The following JARID2 variants were observed in gnomAD, a reference collection of about 807,000 sequenced individuals.
JARID2 encodes jumonji and AT-rich interaction domain containing 2, also known as protein Jumonji.
A neutral mutation model predicts 125.6 loss-of-function variants in JARID2; 21 were observed. The observed-to-expected ratio is 0.17, with a 90% CI of 0.12 to 0.24. JARID2 has a LOEUF of 0.24. Ranked by LOEUF, JARID2 falls within the 10% of genes least tolerant of loss-of-function variation. JARID2 has a pLI of 1.00. For missense variants in JARID2, 1,303 were observed against 1,639.6 expected, an observed-to-expected ratio of 0.79 and a Z score of 3.55; for synonymous variants, 736 against 661.6, an observed-to-expected ratio of 1.11 and a Z score of -1.73.
At position 15,497,046 on chromosome 6, in the gene JARID2, T is replaced by C. The variant is rs1207710354; in HGVS notation, c.1821T>C (p.Phe607=). Residue 607 remains phenylalanine (F), a synonymous_variant, in exon 7 of 18, where the codon TTT becomes TTC. Transcript: ENST00000341776. ...GCAAGCTCAACGATGAGATGCGGTT[T>C]GTCACGCAGATTCAGCACATCCACA... ...PECKLNDEMR[F]VTQIQHIHKL... 6.2e-7 allele frequency: 1 copy of C among 1,611,780 alleles called. No individual in the cohort carries two copies. Among genetic ancestry groups the C allele is most frequent in the African/African-American group, 1.3e-5 (1 of 75,000 alleles).
intron 2 of JARID2, among the ~76,000 whole-genome samples, chr6:15,388,443 T>C (rs1023556878): frequency 2.0e-5 from 3 of 152,024 alleles, no homozygotes; most frequent in Admixed American, 1.3e-4. Flanking sequence ...GCTTCCTCTA[T>C]AGGCTTTAAA....
intron 3 of JARID2, among the ~76,000 whole-genome samples, chr6:15,442,501 C>A (rs1271367010): frequency 1.3e-5 from 2 of 152,198 alleles, no homozygotes; most frequent in Middle Eastern, 3.2e-3. Flanking sequence ...GCCTTAAGAT[C>A]TATCTGCTTT....
chr6:15,408,976 C>A (rs866763699), intron 2 of JARID2, among the ~76,000 whole-genome samples: 1 of 152,124 alleles, frequency 6.6e-6, no homozygotes, highest in African/African-American at 2.4e-5. Flanking sequence ...AGTGAATAAC[C>A]GTGTGTTTTA....
intron 15 of JARID2, 61 bp from the exon 16 acceptor site, chr6:15,513,178 C>T (rs1212864404): frequency 3.8e-6 from 6 of 1,563,150 alleles, no homozygotes; most frequent in South Asian, 3.5e-5. Context: ...CGTGTGTCCC[C>T]TCTGCTGGTG....
intron 3 of JARID2, among the ~76,000 whole-genome samples, chr6:15,424,213 C>T (rs925382463): frequency 1.3e-5 from 2 of 151,574 alleles, no homozygotes; most frequent in East Asian, 3.9e-4. Flanking sequence ...AGTGATCCTC[C>T]TGCCTCGGCC....
chr6:15,313,022 T>C (rs1762066963), intron 1 of JARID2, among the ~76,000 whole-genome samples: 1 of 152,218 alleles, frequency 6.6e-6, no homozygotes, highest in Non-Finnish European at 1.5e-5. Context: ...AGTTTCAGAA[T>C]AGTGCCTTCC....
At chr6:15,316,184 C>G (rs1762174170) in intron 1 of JARID2, among the ~76,000 whole-genome samples, 2 of 151,924 alleles carry the variant, frequency 1.3e-5, no homozygotes, top group Non-Finnish European at 2.9e-5. Context: ...GGCACGATCT[C>G]TGCTCACTGC....
intron 3 of JARID2, among the ~76,000 whole-genome samples, chr6:15,444,696 A>T (rs939220647): frequency 6.8e-6 from 1 of 148,018 alleles, no homozygotes; most frequent in East Asian, 2.0e-4. Flanking sequence ...GAGCGCAGCC[A>T]TGCCGGTCAT....
intron 1 of JARID2, among the ~76,000 whole-genome samples, chr6:15,256,286 A>C (rs1394081750): frequency 2.0e-5 from 3 of 152,214 alleles, no homozygotes; most frequent in Non-Finnish European, 4.4e-5. Flanking sequence ...ATTGGGAAAC[A>C]GAACAAGGCT....
intron 3 of JARID2, among the ~76,000 whole-genome samples, chr6:15,415,181 C>T (rs976749123): frequency 3.3e-5 from 5 of 152,206 alleles, no homozygotes; most frequent in Non-Finnish European, 7.3e-5. Context: ...TTTCCCAGTA[C>T]GGAACAAAAT....
intron 7 of JARID2, among the ~76,000 whole-genome samples, chr6:15,498,835 C>G (rs75886212): frequency 2.0e-5 from 3 of 152,220 alleles, no homozygotes; most frequent in Non-Finnish European, 4.4e-5. Flanking sequence ...CCGCTGACCA[C>G]GCCCCATGAC....
At chr6:15,447,386 A>T (rs75701050) in intron 3 of JARID2, among the ~76,000 whole-genome samples, 140 of 151,956 alleles carry the variant, frequency 9.2e-4, no homozygotes, top group African/African-American at 3.2e-3. Context: ...TAATAAAAAA[A>T]ACACATGAAA....
rs529433585 is a variant in JARID2 at position 15,269,415 on chromosome 6, GTGGTGTGATCAC to G, written c.45+22832_45+22843del. ...GGTCTGTTGCCCAGGCTGGCGTGTG[GTGGTGTGATCAC>G]AGCTTATTACTGCATCCTTGAACTC... On this transcript the variant is annotated intron_variant, in intron 1 of 17. Coordinates refer to ENST00000341776, the MANE Select transcript of JARID2 (RefSeq NM_004973.4). Among the ~76,000 whole-genome samples the G allele has an allele frequency of 2.7e-4, 41 of 152,026 alleles. 2 individuals carry two copies. The South Asian group carries it at 8.1e-3, about 30-fold the overall frequency.
In JARID2 at chr6:15,265,220, A is replaced by G. The variant is rs572026430; in HGVS notation, c.45+18636A>G. Among the ~76,000 whole-genome samples, 4 of 152,244 alleles carry G rather than the reference A, an allele frequency of 2.6e-5. No homozygotes were observed. The East Asian group carries it at 7.7e-4, about 29-fold the overall frequency. On this transcript the variant is annotated intron_variant, in intron 1 of 17. Coordinates refer to ENST00000341776, the MANE Select transcript of JARID2 (RefSeq NM_004973.4). The stretch of plus-strand genomic sequence containing the variant: ...ATGAGACCAGTTGGTTGTCCTTGTA[A>G]TGTTGGCCGGATCCAGCCCAGCCCT...
rs2127675734 is a variant in JARID2 at position 15,468,609 on chromosome 6, G to A, written c.561G>A (p.Glu187=). 2 of 1,614,144 alleles carry A rather than the reference G, an allele frequency of 1.2e-6. No homozygotes were observed. The highest frequency in any genetic ancestry group is 4.5e-5 in the East Asian group (2 of 44,876). ...GSSQDEEEVE[E]EDDETEDVKT... ...CTCAGGATGAGGAGGAAGTCGAGGA[G>A]GAAGATGATGAGACAGAAGACGTCA... The change falls in exon 5 of 18, where the codon GAG becomes GAA. Residue 187 remains glutamate (E), a synonymous_variant. Coordinates refer to ENST00000341776, the MANE Select transcript of JARID2 (RefSeq NM_004973.4).
At chr6:15,518,513 C>T (rs924032741) in intron 17 of JARID2, among the ~76,000 whole-genome samples, 10 of 152,154 alleles carry the variant, frequency 6.6e-5, no homozygotes, top group Non-Finnish European at 1.0e-4. Flanking sequence ...GACGGAGTCT[C>T]GCTCTGTCGC....
chr6:15,465,788 C>T (rs1303259574), intron 4 of JARID2, among the ~76,000 whole-genome samples: 3 of 147,488 alleles, frequency 2.0e-5, no homozygotes, highest in African/African-American at 7.9e-5. Flanking sequence ...TTTTTTGTTG[C>T]TGTTTGTTTG....
At chr6:15,386,122 A>T (rs1256129346) in intron 2 of JARID2, among the ~76,000 whole-genome samples, 1 of 152,152 alleles carries the variant, frequency 6.6e-6, no homozygotes, top group African/African-American at 2.4e-5. Flanking sequence ...TTTTGGGGTT[A>T]ATTTAATGGG....
At chr6:15,489,413 A>C (rs1238641378) in intron 6 of JARID2, among the ~76,000 whole-genome samples, 1 of 152,204 alleles carries the variant, frequency 6.6e-6, no homozygotes, top group Non-Finnish European at 1.5e-5. Context: ...GTTCTCATGC[A>C]CGGACAGACA....
Sources: allele counts gnomAD v4.1 joint callset (sites outside exome capture counted in the v4.1 genomes callset), GRCh38; gene constraint gnomAD v4.1.1; transcripts MANE v1.5; gene names NCBI Gene and HGNC (gene_info 2026-07-23, HGNC 2026-07-21).